Variants in SPIDR observed in about 807,000 individuals in gnomAD.
The protein encoded by SPIDR is DNA repair-scaffolding protein.
A neutral mutation model predicts 104.6 loss-of-function variants in SPIDR; 93 were observed. The ratio of observed to expected loss-of-function variants is 0.89; its 90% CI spans 0.75 to 1.06. The LOEUF (loss-of-function observed/expected upper bound fraction) is 1.06. Ranked by LOEUF, SPIDR falls within the 50% of genes least tolerant of loss-of-function variation. SPIDR has a pLI of 0.00. For missense variants in SPIDR, 1,154 were observed against 1,111.2 expected (o/e 1.04, Z -0.55); for synonymous variants, 431 against 416.9 (o/e 1.03, Z -0.41).
At chr8:47,467,323 C>T (rs181403481) in intron 8 of SPIDR, among the ~76,000 whole-genome samples, 47 of 152,128 alleles carry the variant, frequency 3.1e-4, no homozygotes, top group Non-Finnish European at 6.2e-4. Context: ...GAAACTATTC[C>T]GAAAAATTGA....
intron 16 of SPIDR, among the ~76,000 whole-genome samples, chr8:47,718,220 G>A (rs1461018203): frequency 6.6e-6 from 1 of 152,154 alleles, no homozygotes; most frequent in Admixed American, 6.5e-5. Flanking sequence ...AGTAGAGAGG[G>A]CATCATATCA....
At chr8:47,506,410 G>T (rs554631290) in intron 8 of SPIDR, among the ~76,000 whole-genome samples, 1 of 152,208 alleles carries the variant, frequency 6.6e-6, no homozygotes, top group African/African-American at 2.4e-5. Flanking sequence ...TTCTGCAGTT[G>T]GTTCCACCAG....
chr8:47,574,529 G>A (rs1447268671), intron 8 of SPIDR, among the ~76,000 whole-genome samples: 1 of 151,952 alleles, frequency 6.6e-6, no homozygotes, highest in African/African-American at 2.4e-5. Context: ...AGGCTGAGGC[G>A]GGTGGATCAC....
intron 8 of SPIDR, chr8:47,511,132 A>T: frequency 6.5e-7 from 1 of 1,535,904 alleles, no homozygotes; most frequent in Non-Finnish European, 9.0e-7. Flanking sequence ...AGTCATGAGG[A>T]TAAAGCTGGT....
intron 11 of SPIDR, among the ~76,000 whole-genome samples, chr8:47,682,490 A>C (rs2077231848): frequency 6.6e-6 from 1 of 152,224 alleles, no homozygotes; most frequent in Non-Finnish European, 1.5e-5. Context: ...ACTAAATACC[A>C]CTGAATTGCA....
intron 8 of SPIDR, among the ~76,000 whole-genome samples, chr8:47,566,588 C>T (rs1421060425): frequency 6.6e-6 from 1 of 151,772 alleles, no homozygotes; most frequent in African/African-American, 2.4e-5. Context: ...AGCACTGTTA[C>T]TTTTTTATTT....
At chr8:47,356,102 A>G (rs1239979766) in intron 5 of SPIDR, among the ~76,000 whole-genome samples, 1 of 152,228 alleles carries the variant, frequency 6.6e-6, no homozygotes, top group Non-Finnish European at 1.5e-5. Flanking sequence ...AAGTAGTGGC[A>G]GGGACTAAAA....
chr8:47,735,718 C>T lies in SPIDR; in HGVS notation c.*268C>T, dbSNP rs2086182403. 1 of 773,090 alleles carries T rather than the reference C, an allele frequency of 1.3e-6. No individual in the cohort carries two copies. 47.9% of individuals were successfully genotyped at this position (773,090 alleles called of 1,614,324 possible). On this transcript the variant is annotated 3_prime_UTR_variant, in exon 20 of 20. Coordinates refer to ENST00000297423, the MANE Select transcript of SPIDR (RefSeq NM_001080394.4). ...CATTGAATCTTAAGTTTAAGCTCTTCATTTGGTATTTAGGCAATATATGAG... is the reference window on the plus strand; with the variant it reads ...CATTGAATCTTAAGTTTAAGCTCTTTATTTGGTATTTAGGCAATATATGAG...
chr8:47,440,750 TG>T (rs1196221145), intron 8 of SPIDR, among the ~76,000 whole-genome samples: 2 of 152,202 alleles, frequency 1.3e-5, no homozygotes, highest in African/African-American at 2.4e-5. Flanking sequence ...TCTGATAATT[TG>T]GGGTGAGAGG....
At chr8:47,627,652 G>A (rs1011471234) in intron 10 of SPIDR, among the ~76,000 whole-genome samples, 1 of 152,036 alleles carries the variant, frequency 6.6e-6, no homozygotes, top group African/African-American at 2.4e-5. Context: ...GGGAAATTTG[G>A]CTTTGTGCAC....
intron 7 of SPIDR, among the ~76,000 whole-genome samples, chr8:47,436,029 T>G (rs1387110431): frequency 6.6e-6 from 1 of 152,218 alleles, no homozygotes; most frequent in East Asian, 1.9e-4. Flanking sequence ...TTCGTAGGGT[T>G]GTTGTGAATC....
chr8:47,317,722 A>G (rs2045665672), intron 5 of SPIDR, among the ~76,000 whole-genome samples: 1 of 152,072 alleles, frequency 6.6e-6, no homozygotes, highest in Non-Finnish European at 1.5e-5. Flanking sequence ...AACACCTCAC[A>G]TGGCCGGGTA....
chr8:47,514,317 C>T (rs2082796564), intron 8 of SPIDR, among the ~76,000 whole-genome samples: 1 of 152,114 alleles, frequency 6.6e-6, no homozygotes, highest in Non-Finnish European at 1.5e-5. Flanking sequence ...TAAACTCATC[C>T]CTGGTCTCAT....
chr8:47,679,841 C>T (rs1462215543), intron 11 of SPIDR, among the ~76,000 whole-genome samples: 1 of 152,234 alleles, frequency 6.6e-6, no homozygotes, highest in Non-Finnish European at 1.5e-5. Flanking sequence ...TGCTGTTTCT[C>T]ATTTACCGTT....
At chr8:47,408,086 A>G in intron 7 of SPIDR, 125 bp downstream of exon 7, 1 of 483,886 alleles carries the variant, frequency 2.1e-6, no homozygotes, top group Non-Finnish European at 3.6e-6. Context: ...TTTTTCCAAC[A>G]TTCTAATTTT....
At chr8:47,385,009 C>T (rs2059725125) in intron 5 of SPIDR, among the ~76,000 whole-genome samples, 1 of 152,030 alleles carries the variant, frequency 6.6e-6, no homozygotes, top group Admixed American at 6.6e-5. Flanking sequence ...TCTTTTGTCA[C>T]CTGAGTGTCT....
chr8:47,563,061 A>G (rs1447705582), intron 8 of SPIDR, among the ~76,000 whole-genome samples: 1 of 147,396 alleles, frequency 6.8e-6, no homozygotes, highest in Non-Finnish European at 1.5e-5. Context: ...TTTGTCAATG[A>G]AGGAAAGAAA....
At chr8:47,656,683 A>G (rs547835769) in intron 10 of SPIDR, among the ~76,000 whole-genome samples, 2 of 152,298 alleles carry the variant, frequency 1.3e-5, no homozygotes, top group Non-Finnish European at 2.9e-5. Context: ...AGAATTGAAA[A>G]CGTATATCCA....
At chr8:47,301,031 A>T (rs1347606628) in intron 5 of SPIDR, among the ~76,000 whole-genome samples, 1 of 152,062 alleles carries the variant, frequency 6.6e-6, no homozygotes, top group Non-Finnish European at 1.5e-5. Context: ...TGATCTGTCT[A>T]ATGTTGATAG....
Sources: gnomAD v4.1 joint callset for allele counts (sites outside exome capture counted in the v4.1 genomes callset) on GRCh38, gnomAD v4.1.1 for gene constraint, MANE v1.5 for transcripts, NCBI Gene and HGNC (gene_info 2026-07-23, HGNC 2026-07-21) for gene names.